Variants in NBDY observed in about 807,000 individuals in gnomAD.
NBDY encodes P-body dissociating protein.
intron 2 of NBDY, among the ~76,000 whole-genome samples, chrX:56,792,694 C>T (rs1308537744): frequency 1.8e-5 from 2 of 111,488 alleles, no homozygotes; most frequent in Non-Finnish European, 3.8e-5. Context: ...CCACCACAGG[C>T]CCAAAACTGC....
At chrX:56,797,060 T>TTCC (rs1246432388) in intron 2 of NBDY, among the ~76,000 whole-genome samples, 2 of 109,294 alleles carry the variant, frequency 1.8e-5, no homozygotes, top group Non-Finnish European at 3.8e-5. Flanking sequence ...TTTTCCTCCT[T>TTCC]TCCTCCTCCT....
chrX:56,736,098 A>T (rs1262927169), intron 2 of NBDY, among the ~76,000 whole-genome samples: 2 of 111,276 alleles, frequency 1.8e-5, no homozygotes, highest in African/African-American at 3.3e-5. Flanking sequence ...CTGTTTTGTT[A>T]GTTGAGGTAA....
intron 2 of NBDY, among the ~76,000 whole-genome samples, chrX:56,742,540 T>G (rs1355492995): frequency 1.8e-5 from 2 of 111,341 alleles, no homozygotes; most frequent in Non-Finnish European, 3.8e-5. Flanking sequence ...TAAAGAGATC[T>G]CCCACTTCTT....
chrX:56,794,449 T>C (rs12848222), intron 2 of NBDY, among the ~76,000 whole-genome samples: 62,874 of 110,604 alleles, frequency 0.57, 15,492 homozygotes, highest in Non-Finnish European at 0.78. Flanking sequence ...GTCCAAGGAG[T>C]ACCCACCTCA....
At chrX:56,751,062 T>C (rs1359147884) in intron 2 of NBDY, among the ~76,000 whole-genome samples, 1 of 111,775 alleles carries the variant, frequency 8.9e-6, no homozygotes, top group Non-Finnish European at 1.9e-5. Flanking sequence ...AAAGATTCTG[T>C]ATGGCATACC....
chrX:56,810,817 G>A (rs2069882369), intron 2 of NBDY, among the ~76,000 whole-genome samples: 1 of 110,693 alleles, frequency 9.0e-6, no homozygotes, highest in African/African-American at 3.3e-5. Context: ...TGATCCTTTG[G>A]AGGAGAAAAA....
At chrX:56,784,730 TC>T (rs2069716618) in intron 2 of NBDY, among the ~76,000 whole-genome samples, 1 of 111,407 alleles carries the variant, frequency 9.0e-6, no homozygotes, top group African/African-American at 3.3e-5. Context: ...CAAGCTGAAC[TC>T]TGGTGCTTGC....
chrX:56,788,099 G>A (rs1176169412), intron 2 of NBDY, among the ~76,000 whole-genome samples: 1 of 112,582 alleles, frequency 8.9e-6, no homozygotes, highest in African/African-American at 3.2e-5. Context: ...CAAAGGAAGG[G>A]CAAAGGCTGG....
intron 2 of NBDY, among the ~76,000 whole-genome samples, chrX:56,754,085 TAA>T (rs2069598663): frequency 9.1e-6 from 1 of 110,443 alleles, no homozygotes; most frequent in Non-Finnish European, 1.9e-5. Context: ...AAAGATCAAA[TAA>T]AGAGGAATAG....
At chrX:56,761,489 G>A (rs1047680655) in intron 2 of NBDY, among the ~76,000 whole-genome samples, 1 of 113,442 alleles carries the variant, frequency 8.8e-6, no homozygotes, top group African/African-American at 3.2e-5. Flanking sequence ...TCTCCTGGCT[G>A]GTTGGTGGCT....
chrX:56,733,177 C>A (rs1164539852), intron 2 of NBDY, among the ~76,000 whole-genome samples: 1 of 108,879 alleles, frequency 9.2e-6, no homozygotes, highest in Non-Finnish European at 1.9e-5. Context: ...TTTTAAATTT[C>A]TCTTATGATT....
chrX:56,789,523 C>T (rs751511129), intron 2 of NBDY, among the ~76,000 whole-genome samples: 1 of 112,347 alleles, frequency 8.9e-6, no homozygotes, highest in African/African-American at 3.2e-5. Context: ...AGCACTCTTC[C>T]TCTTGGGGAA....
chrX:56,749,326 C>A (rs1490020437), intron 2 of NBDY, among the ~76,000 whole-genome samples: 1 of 111,340 alleles, frequency 9.0e-6, no homozygotes, highest in Non-Finnish European at 1.9e-5. Context: ...TCAGATTAAA[C>A]ACTTATTTTT....
At chrX:56,767,648 T>C (rs2069674285) in intron 2 of NBDY, among the ~76,000 whole-genome samples, 1 of 113,627 alleles carries the variant, frequency 8.8e-6, no homozygotes, top group South Asian at 3.5e-4. Context: ...CAGCAGCTAC[T>C]GTGCTCCACT....
At chrX:56,743,610 A>G (rs2069542456) in intron 2 of NBDY, among the ~76,000 whole-genome samples, 1 of 111,140 alleles carries the variant, frequency 9.0e-6, no homozygotes, top group African/African-American at 3.3e-5. Flanking sequence ...GAATTTCTGC[A>G]GTATCAGTTG....
At position 56,818,963 on chromosome X, in the gene NBDY, G is replaced by A. The variant is rs2069922719; in HGVS notation, c.*1810G>A. 1 of 97,724 alleles carries A rather than the reference G, an allele frequency of 1.0e-5. No homozygotes were observed. The highest frequency in any genetic ancestry group is 3.3e-4 in the East Asian group (1 of 3,030). The allele number at this position is 97,724 out of a possible 1,213,427, so 8.1% of individuals were successfully genotyped here. A position where few individuals can be genotyped will look rare whatever the true frequency, so the allele number is the denominator to read the frequency against. On this transcript the variant is annotated 3_prime_UTR_variant, in exon 3 of 3. Transcript: ENST00000374922. ...ATAACTATTTTCAATAAATGGTACT[G>A]GGACAACTTGGTATCTACATGCAAA...
chrX:56,818,077 A>C lies in NBDY; in HGVS notation c.*924A>C, dbSNP rs987421334. On this transcript the variant is annotated 3_prime_UTR_variant, in exon 3 of 3. Coordinates refer to ENST00000374922, the MANE Select transcript of NBDY (RefSeq NM_001348129.2). ...AGTTCATAAATGTTTCAGGAATTAC[A>C]AGGTTATAGAAAAAAATTTATAGAC... is the stretch of plus-strand genomic sequence containing the variant. 1.8e-5 allele frequency: 2 copies of C among 111,650 alleles called. No individual in the cohort carries two copies. Among genetic ancestry groups the C allele is most frequent in the Non-Finnish European group, 3.8e-5 (2 of 53,075 alleles). 9.2% of individuals were successfully genotyped at this position (111,650 alleles called of 1,213,427 possible). A position where few individuals can be genotyped will look rare whatever the true frequency, so the allele number is the denominator to read the frequency against.
chrX:56,746,827 C>T (rs2069560374), intron 2 of NBDY, among the ~76,000 whole-genome samples: 1 of 111,507 alleles, frequency 9.0e-6, no homozygotes, highest in African/African-American at 3.3e-5. Flanking sequence ...AAATTGAGTC[C>T]CTCTCATACT....
intron 2 of NBDY, among the ~76,000 whole-genome samples, chrX:56,814,346 G>A (rs767480442): frequency 1.9e-4 from 21 of 109,159 alleles, no homozygotes; most frequent in Non-Finnish European, 2.5e-4. Flanking sequence ...TGGCTTATCA[G>A]GGCATTTAAG....
Sources: gnomAD v4.1 joint callset for allele counts (sites outside exome capture counted in the v4.1 genomes callset) on GRCh38, gnomAD v4.1.1 for gene constraint, MANE v1.5 for transcripts, NCBI Gene and HGNC (gene_info 2026-07-23, HGNC 2026-07-21) for gene names.